The following MDM4 variants were observed in gnomAD, a reference collection of about 807,000 sequenced individuals.
MDM4 encodes the protein MDM4 regulator of p53, also known as protein Mdm4.
Under a neutral mutation model 60.2 loss-of-function variants are expected in MDM4, and 2 were observed. That is an observed-to-expected ratio of 0.03 (90% CI 0.01 to 0.10). MDM4 has a LOEUF of 0.10. Among genes scored for constraint, MDM4 ranks in the 10% least tolerant of loss-of-function variants. MDM4 has a pLI of 1.00. For missense variants in MDM4, 447 were observed against 577.5 expected, an observed-to-expected ratio of 0.77 and a Z score of 2.32; for synonymous variants, 202 against 198.1, an observed-to-expected ratio of 1.02 and a Z score of -0.17.
At chr1:204,531,885 T>G (rs1660894611) in intron 4 of MDM4, among the ~76,000 whole-genome samples, 1 of 152,126 alleles carries the variant, frequency 6.6e-6, no homozygotes, top group Non-Finnish European at 1.5e-5. Context: ...ATGTGAAACT[T>G]CAGTCCTGGA....
chr1:204,527,229 C>A (rs1660294105), intron 3 of MDM4, among the ~76,000 whole-genome samples: 1 of 151,914 alleles, frequency 6.6e-6, no homozygotes, highest in Admixed American at 6.6e-5. Context: ...ATCGCTTGAA[C>A]CCAGAAGGTG....
At chr1:204,544,803 AT>A (rs1257920104) in intron 9 of MDM4, 119 bp downstream of exon 9, 2 of 954,168 alleles carry the variant, frequency 2.1e-6, no homozygotes, top group Non-Finnish European at 2.9e-6. Context: ...TTTAACTTTA[AT>A]TAATTTTTCA....
At chr1:204,530,470 G>A (rs1192895745) in intron 3 of MDM4, among the ~76,000 whole-genome samples, 2 of 152,182 alleles carry the variant, frequency 1.3e-5, no homozygotes, top group African/African-American at 2.4e-5. Flanking sequence ...GTGCTGAAAA[G>A]TCTGGGTCTG....
chr1:204,533,801 T>C (rs1661112601), intron 5 of MDM4, among the ~76,000 whole-genome samples: 1 of 144,050 alleles, frequency 6.9e-6, no homozygotes, highest in South Asian at 2.2e-4. Flanking sequence ...TTTTTTTAAA[T>C]GTAGAGCGTC....
At chr1:204,528,364 C>G (rs1476525954) in intron 3 of MDM4, among the ~76,000 whole-genome samples, 1 of 152,148 alleles carries the variant, frequency 6.6e-6, no homozygotes, top group Non-Finnish European at 1.5e-5. Flanking sequence ...GGAATCCAAG[C>G]CACTGGTCCC....
chr1:204,544,335 C>G (rs1405803702), intron 8 of MDM4, among the ~76,000 whole-genome samples, 200 bp from the exon 9 acceptor site: 1 of 152,194 alleles, frequency 6.6e-6, no homozygotes, highest in African/African-American at 2.4e-5. Flanking sequence ...ATGCCTGACA[C>G]CATTATATCC....
Position 204,543,057 on chromosome 1 carries a change from G to A in MDM4, c.672+113G>A, listed in dbSNP as rs148267822. On this transcript the variant is annotated intron_variant, in intron 8 of 10. Transcript: ENST00000367182. ...AAGAATTCTTATTTACTCCTATGGCGTTAAATACCATCTGTATGCATGTGA... is the reference window on the plus strand; with the variant it reads ...AAGAATTCTTATTTACTCCTATGGCATTAAATACCATCTGTATGCATGTGA... The A allele has an allele frequency of 7.7e-4, 704 of 909,546 alleles. 2 individuals are homozygous for A. In the African/African-American group the frequency reaches 0.01, roughly 13 times the overall value. 56.3% of individuals were successfully genotyped at this position (909,546 alleles called of 1,614,324 possible).
chr1:204,535,333 AT>A (rs947301512), intron 5 of MDM4, among the ~76,000 whole-genome samples: 1 of 151,240 alleles, frequency 6.6e-6, no homozygotes, highest in African/African-American at 2.4e-5. Flanking sequence ...AATTTTTTAT[AT>A]TTTTAGTAGA....
intron 6 of MDM4, chr1:204,537,738 T>TATGCTCTGAGGTAGGCAGTGTGGGGATA: frequency 1.7e-6 from 1 of 599,248 alleles, no homozygotes. Flanking sequence ...CAGTTGCATT[T>TATGCTCTGAGGTAGGCAGTGTGGGGATA]TTCTTTGGGT....
Position 204,550,498 on chromosome 1 carries a change from T to G in MDM4, c.*816T>G. ...AGACTTTAATCTGAAATCTAAATTT[T>G]TAAAATTTAAGTACTTACAAAGGAT... On this transcript the variant is annotated 3_prime_UTR_variant, in exon 11 of 11. Transcript: ENST00000367182. 5.2e-6 allele frequency: 1 copy of G among 192,400 alleles called. No homozygotes were observed. The highest frequency in any genetic ancestry group is 1.1e-5 in the Non-Finnish European group (1 of 92,066). The allele number at this position is 192,400 out of a possible 1,614,324, so 11.9% of individuals were successfully genotyped here.
In MDM4 at chr1:204,552,138, T is replaced by C. The variant is rs1663259415; in HGVS notation, c.*2456T>C. The C allele has an allele frequency of 6.5e-6, 1 of 153,262 alleles. No homozygotes were observed. Among genetic ancestry groups the C allele is most frequent in the Non-Finnish European group, 1.5e-5 (1 of 68,846 alleles). 9.5% of individuals were successfully genotyped at this position (153,262 alleles called of 1,614,324 possible). On this transcript the variant is annotated 3_prime_UTR_variant, in exon 11 of 11. Transcript: ENST00000367182. ...AATACAAAAAATTAGCTGGGCATGG[T>C]GGTGCATGCCTGTAGTCCCAGCTAC...
chr1:204,549,468 A>G lies in MDM4; in HGVS notation c.1259A>G (p.Gln420Arg), dbSNP rs767025919. The G allele has an allele frequency of 2.5e-6, 4 of 1,611,354 alleles. No homozygotes were observed. Among genetic ancestry groups the G allele is most frequent in the Non-Finnish European group, 2.5e-6 (3 of 1,179,196 alleles). Reference sequence around the variant, plus strand: ...GAACAGTTAGATAACCTTTCTGAACAGAGAACAGATACAGAAAACATGGAG... The same window carrying G: ...GAACAGTTAGATAACCTTTCTGAACGGAGAACAGATACAGAAAACATGGAG... ...MGEQLDNLSE[Q>R]RTDTENMEDC... Residue 420 changes from glutamine (Q) to arginine (R), a missense_variant, in exon 11 of 11, where the codon CAG (glutamine) becomes CGG (arginine). By Grantham distance (43) the Gln-to-Arg change is conservative. Around this residue, in one of 8 missense-constraint regions of MDM4, gnomAD observed 117 missense variants for 114.5 expected, o/e 1.02. Coordinates refer to ENST00000367182, the MANE Select transcript of MDM4 (RefSeq NM_002393.5).
intron 9 of MDM4, among the ~76,000 whole-genome samples, chr1:204,546,000 T>A (rs935195789): frequency 6.6e-6 from 1 of 152,198 alleles, no homozygotes; most frequent in Non-Finnish European, 1.5e-5. Context: ...CACTCCTTAC[T>A]TTTGAAACGG....
At position 204,544,655 on chromosome 1, in the gene MDM4, G is replaced by A. The variant is rs1662469780; in HGVS notation, c.793G>A (p.Glu265Lys). ...AGCTGCTGATACTGAACAAACAAGTGAAGAAGTAGGGAAAGTAAGTGACAA... is the reference window on the plus strand; with the variant it reads ...AGCTGCTGATACTGAACAAACAAGTAAAGAAGTAGGGAAAGTAAGTGACAA... ...VEAADTEQTS[E>K]EVGKVSDKKV... The change falls in exon 9 of 11, where the codon GAA becomes AAA. Residue 265 changes from glutamate to lysine, a missense_variant. Coordinates refer to ENST00000367182, the MANE Select transcript of MDM4 (RefSeq NM_002393.5). 1 of 1,613,166 alleles carries A rather than the reference G, an allele frequency of 6.2e-7. No homozygotes were observed. Among genetic ancestry groups the A allele is most frequent in the Non-Finnish European group, 8.5e-7 (1 of 1,179,342 alleles).
At chr1:204,542,051 T>C (rs543890341) in intron 7 of MDM4, among the ~76,000 whole-genome samples, 5 of 152,364 alleles carry the variant, frequency 3.3e-5, no homozygotes, top group Non-Finnish European at 5.9e-5. Flanking sequence ...CTGCCCTCAG[T>C]GTCATTCAAA....
chr1:204,545,500 T>C (rs1378768287), intron 9 of MDM4, among the ~76,000 whole-genome samples: 1 of 152,112 alleles, frequency 6.6e-6, no homozygotes, highest in Non-Finnish European at 1.5e-5. Context: ...ATCGGATAAA[T>C]ACAGCAAAGA....
In MDM4 at chr1:204,556,244, A is replaced by G. The variant is rs1423096882; in HGVS notation, c.*6562A>G. 1 of 225,954 alleles carries G rather than the reference A, an allele frequency of 4.4e-6. No individual in the cohort carries two copies. The highest frequency in any genetic ancestry group is 8.8e-6 in the Non-Finnish European group (1 of 113,570). The allele number at this position is 225,954 out of a possible 1,614,324, so 14.0% of individuals were successfully genotyped here. A position where few individuals can be genotyped will look rare whatever the true frequency, so the allele number is the denominator to read the frequency against. ...ATCTTTAGATAAGATTCCTCTTTCCAGTCAGTCCTGGGAAATGTTTCTGTT... is the reference window on the plus strand; with the variant it reads ...ATCTTTAGATAAGATTCCTCTTTCCGGTCAGTCCTGGGAAATGTTTCTGTT... On this transcript the variant is annotated 3_prime_UTR_variant, in exon 11 of 11. Transcript: ENST00000367182.
At position 204,558,033 on chromosome 1, in the gene MDM4, CTCTG is replaced by C. The variant is rs1359576910; in HGVS notation, c.*8355_*8358del. On this transcript the variant is annotated 3_prime_UTR_variant, in exon 11 of 11. Coordinates refer to ENST00000367182, the MANE Select transcript of MDM4 (RefSeq NM_002393.5). ...CTTATAAGCACCACTAAGTTAATAG[CTCTG>C]TCTTTTTGGTGTTTGCACTATGTAA... The C allele has an allele frequency of 1.6e-5, 3 of 185,490 alleles. No homozygotes were observed. The highest frequency in any genetic ancestry group is 4.7e-5 in the African/African-American group (2 of 42,458). 11.5% of individuals were successfully genotyped at this position (185,490 alleles called of 1,614,324 possible).
intron 10 of MDM4, among the ~76,000 whole-genome samples, chr1:204,547,698 T>C (rs1374663972): frequency 2.6e-5 from 4 of 152,270 alleles, no homozygotes; most frequent in African/African-American, 9.6e-5. Flanking sequence ...TGTTCTTGAC[T>C]GTAATACAAA....
Sources: gnomAD v4.1 joint callset for allele counts (sites outside exome capture counted in the v4.1 genomes callset) on GRCh38, gnomAD v4.1.1 for gene constraint, gnomAD v4.1.1 regional missense constraint, MANE v1.5 for transcripts, NCBI Gene and HGNC (gene_info 2026-07-23, HGNC 2026-07-21) for gene names.